The following DENND5B variants were observed in gnomAD, a reference collection of about 807,000 sequenced individuals.
DENND5B encodes DENN domain-containing protein 5B.
A neutral mutation model predicts 140.6 loss-of-function variants in DENND5B; 34 were observed. The observed-to-expected ratio is 0.24, with a 90% CI of 0.18 to 0.32. DENND5B has a LOEUF of 0.32. DENND5B is among the 10% of genes least tolerant of loss of function. The pLI, the probability that DENND5B is intolerant of heterozygous loss-of-function variation, is 1.00. For missense variants in DENND5B, 1,142 were observed against 1,560.2 expected (o/e 0.73, Z 4.52); for synonymous variants, 551 against 562.1 (o/e 0.98, Z 0.28).
intron 1 of DENND5B, among the ~76,000 whole-genome samples, chr12:31,526,651 T>C (rs1948094091): frequency 6.6e-6 from 1 of 152,186 alleles, no homozygotes; most frequent in African/African-American, 2.4e-5. Context: ...GTATCCTGGA[T>C]TGGACAGTGG....
intron 20 of DENND5B, among the ~76,000 whole-genome samples, chr12:31,388,108 AG>A (rs1337070292): frequency 1.4e-5 from 2 of 144,164 alleles, no homozygotes; most frequent in Non-Finnish European, 3.0e-5. Flanking sequence ...ACCTTTAGAA[AG>A]AGGCAGAATG....
At chr12:31,561,119 A>G (rs1404308573) in intron 1 of DENND5B, among the ~76,000 whole-genome samples, 1 of 152,180 alleles carries the variant, frequency 6.6e-6, no homozygotes, top group Non-Finnish European at 1.5e-5. Context: ...AGGGATGAAG[A>G]AAAGAGGAGA....
Position 31,457,530 on chromosome 12 carries a change from G to C in DENND5B, c.1092+2664C>G, listed in dbSNP as rs114573119. On this transcript the variant is annotated intron_variant, in intron 4 of 20. Transcript: ENST00000389082. ...GGAAAGGTGGAGGAAAGTATTACTA[G>C]TGAGTGCATTTAAGTCATTTTTTTA... 9.6e-3 allele frequency among the ~76,000 whole-genome samples: 1,464 copies of C among 152,236 alleles called. 27 individuals carry two copies. The highest frequency in any genetic ancestry group is 0.033 in the African/African-American group (1,386 of 41,548).
At chr12:31,471,955 TG>T (rs1216426900) in intron 3 of DENND5B, among the ~76,000 whole-genome samples, 4 of 152,206 alleles carry the variant, frequency 2.6e-5, no homozygotes, top group African/African-American at 9.6e-5. Context: ...AAATTCCAAG[TG>T]GAACACCCCA....
chr12:31,422,838 CAT>C (rs1171349722), intron 11 of DENND5B, among the ~76,000 whole-genome samples: 2 of 151,984 alleles, frequency 1.3e-5, no homozygotes, highest in Non-Finnish European at 2.9e-5. Context: ...ACACTTCTAA[CAT>C]GTTATATTTT....
At chr12:31,559,766 C>T (rs1380407541) in intron 1 of DENND5B, among the ~76,000 whole-genome samples, 1 of 151,664 alleles carries the variant, frequency 6.6e-6, no homozygotes, top group African/African-American at 2.4e-5. Context: ...AGAATCAAGG[C>T]ATTAATCCAC....
intron 4 of DENND5B, among the ~76,000 whole-genome samples, chr12:31,458,588 A>T (rs2138219018): frequency 6.6e-6 from 1 of 152,350 alleles, no homozygotes; most frequent in South Asian, 2.1e-4. Flanking sequence ...GATCTGAATC[A>T]TGCTATTTTC....
chr12:31,510,665 C>T (rs1168315890), intron 1 of DENND5B, among the ~76,000 whole-genome samples: 1 of 152,134 alleles, frequency 6.6e-6, no homozygotes, highest in Non-Finnish European at 1.5e-5. Flanking sequence ...TGAAATCTCT[C>T]TAATTTCTTC....
intron 1 of DENND5B, among the ~76,000 whole-genome samples, chr12:31,514,442 T>A (rs1947545473): frequency 6.6e-6 from 1 of 152,196 alleles, no homozygotes; most frequent in African/African-American, 2.4e-5. Flanking sequence ...ACAGGAATAC[T>A]ACTGACTTTG....
At chr12:31,583,552 C>T (rs1206330867) in intron 1 of DENND5B, among the ~76,000 whole-genome samples, 1 of 151,994 alleles carries the variant, frequency 6.6e-6, no homozygotes, top group East Asian at 1.9e-4. Context: ...GTGGCACGCA[C>T]CTGTAGTCCC....
At chr12:31,493,522 C>G (rs1946613633) in intron 2 of DENND5B, among the ~76,000 whole-genome samples, 1 of 151,784 alleles carries the variant, frequency 6.6e-6, no homozygotes, top group Non-Finnish European at 1.5e-5. Flanking sequence ...AGCAAAACCC[C>G]ATCTCTACTA....
At chr12:31,554,533 T>TTATG (rs1296855125) in intron 1 of DENND5B, among the ~76,000 whole-genome samples, 1 of 152,196 alleles carries the variant, frequency 6.6e-6, no homozygotes, top group Non-Finnish European at 1.5e-5. Flanking sequence ...AATCTGACAA[T>TTATG]TATGTGTCTT....
At chr12:31,391,805 T>C (rs903588169) in intron 19 of DENND5B, among the ~76,000 whole-genome samples, 4 of 152,008 alleles carry the variant, frequency 2.6e-5, no homozygotes, top group Admixed American at 6.6e-5. Flanking sequence ...GGACCACAGG[T>C]ATGTGCTACC....
At position 31,413,423 on chromosome 12, in the gene DENND5B, G is replaced by C; in HGVS notation, c.2681+13C>G. 6.2e-7 allele frequency: 1 copy of C among 1,606,792 alleles called. No individual in the cohort carries two copies. The highest frequency in any genetic ancestry group is 8.5e-7 in the Non-Finnish European group (1 of 1,176,784). On this transcript the variant is annotated intron_variant, in intron 13 of 20. Coordinates refer to ENST00000389082, the MANE Select transcript of DENND5B (RefSeq NM_144973.4). ...ATTATAGAAACAGAAATGTATCAAA[G>C]ATGGTATCTTACTTGGTGAGTGGTT...
intron 1 of DENND5B, among the ~76,000 whole-genome samples, chr12:31,542,298 A>T (rs559148466): frequency 6.3e-4 from 96 of 152,134 alleles, no homozygotes; most frequent in Admixed American, 3.2e-3. Context: ...AAAAAAAAAA[A>T]AAAAAAATTA....
chr12:31,433,064 A>T (rs1477314364), intron 8 of DENND5B, 91 bp downstream of exon 8: 3 of 1,092,542 alleles, frequency 2.7e-6, no homozygotes. Context: ...TTTAAAGAAC[A>T]TTAAGAATCT....
At chr12:31,462,986 G>A (rs1945088962) in intron 3 of DENND5B, among the ~76,000 whole-genome samples, 1 of 151,250 alleles carries the variant, frequency 6.6e-6, no homozygotes, top group Non-Finnish European at 1.5e-5. Flanking sequence ...AAAAAGCCAA[G>A]CACAGTGGCT....
chr12:31,445,579 T>C (rs932044084), intron 6 of DENND5B, among the ~76,000 whole-genome samples: 3 of 151,882 alleles, frequency 2.0e-5, no homozygotes, highest in Admixed American at 2.0e-4. Flanking sequence ...GTGGCATGCA[T>C]CTGTAGTCCC....
At position 31,442,400 on chromosome 12, in the gene DENND5B, G is replaced by A. The variant is rs74659271; in HGVS notation, c.2012+375C>T. ...ATAATTTCTGTTGTTTTAAGCCACT[G>A]AGTTTGTGGTTCTTTGTTATAGCAG... is the stretch of plus-strand genomic sequence containing the variant. On this transcript the variant is annotated intron_variant, in intron 7 of 20. Coordinates refer to ENST00000389082, the MANE Select transcript of DENND5B (RefSeq NM_144973.4). Among the ~76,000 whole-genome samples the A allele has an allele frequency of 2.3e-3, 356 of 152,340 alleles. 2 individuals are homozygous for A. The highest frequency in any genetic ancestry group is 0.01 in the Middle Eastern group (3 of 294).
Sources: allele counts gnomAD v4.1 joint callset (sites outside exome capture counted in the v4.1 genomes callset), GRCh38; gene constraint gnomAD v4.1.1; transcripts MANE v1.5; gene names NCBI Gene and HGNC (gene_info 2026-07-23, HGNC 2026-07-21).